UHRF2: variants seen among roughly 807,000 people sequenced by gnomAD.
The protein encoded by UHRF2 is E3 ubiquitin-protein ligase UHRF2.
UHRF2 carries 23 observed loss-of-function variants against 96.8 expected under a neutral mutation model. That is an observed-to-expected ratio of 0.24 (90% CI 0.17 to 0.34). The LOEUF (loss-of-function observed/expected upper bound fraction) is 0.34. Among genes scored for constraint, UHRF2 ranks in the 10% least tolerant of loss-of-function variants. The pLI, the probability that UHRF2 is intolerant of heterozygous loss-of-function variation, is 1.00. For synonymous variants in UHRF2, 385 were observed against 332.6 expected (o/e 1.16, Z -1.72); for missense variants, 685 against 981.5 (o/e 0.70, Z 4.04).
chr9:6,463,921 T>C (rs1353849652), intron 4 of UHRF2, among the ~76,000 whole-genome samples: 1 of 152,214 alleles, frequency 6.6e-6, no homozygotes, highest in Non-Finnish European at 1.5e-5. Context: ...CTTGTACCTA[T>C]ACCTGTATCC....
intron 14 of UHRF2, among the ~76,000 whole-genome samples, chr9:6,502,761 G>A (rs576309205): frequency 6.6e-6 from 1 of 152,320 alleles, no homozygotes; most frequent in African/African-American, 2.4e-5. Flanking sequence ...TATAGGAACT[G>A]TGGAAGTACC....
intron 3 of UHRF2, among the ~76,000 whole-genome samples, chr9:6,442,555 T>C (rs1821236512): frequency 6.6e-6 from 1 of 152,160 alleles, no homozygotes; most frequent in African/African-American, 2.4e-5. Context: ...CATGGCTCAC[T>C]GCAGCCTCGA....
intron 2 of UHRF2, among the ~76,000 whole-genome samples, 157 bp downstream of exon 2, chr9:6,421,299 T>C (rs574344097): frequency 1.3e-3 from 205 of 152,356 alleles, no homozygotes; most frequent in Middle Eastern, 3.4e-3. Context: ...AAAATTGATA[T>C]GAAATACGTA....
At chr9:6,465,594 C>T (rs1373340960) in intron 4 of UHRF2, among the ~76,000 whole-genome samples, 3 of 152,138 alleles carry the variant, frequency 2.0e-5, no homozygotes, top group African/African-American at 7.2e-5. Context: ...TTGGTACCTA[C>T]ATCTTTTTAA....
At chr9:6,427,693 G>A (rs1449023797) in intron 2 of UHRF2, among the ~76,000 whole-genome samples, 1 of 152,024 alleles carries the variant, frequency 6.6e-6, no homozygotes, top group Non-Finnish European at 1.5e-5. Flanking sequence ...TCAAAAAAAA[G>A]AAATTTTAAT....
At chr9:6,462,898 C>T (rs1317060954) in intron 4 of UHRF2, among the ~76,000 whole-genome samples, 2 of 152,092 alleles carry the variant, frequency 1.3e-5, no homozygotes, top group Admixed American at 6.5e-5. Context: ...GCCTGGGCTA[C>T]AGAGCGAGAC....
chr9:6,453,383 A>C (rs1821985428), intron 3 of UHRF2, among the ~76,000 whole-genome samples: 1 of 152,212 alleles, frequency 6.6e-6, no homozygotes. Flanking sequence ...AATGATGATA[A>C]TGTGTTGTCC....
chr9:6,440,502 TTC>T (rs1821098043), intron 3 of UHRF2, among the ~76,000 whole-genome samples: 2 of 152,178 alleles, frequency 1.3e-5, no homozygotes, highest in African/African-American at 4.8e-5. Context: ...TAGCCAACTT[TTC>T]TATGTTGCTG....
In UHRF2 at chr9:6,448,085, A is replaced by G. The variant is rs537045301; in HGVS notation, c.645-12488A>G. 5.9e-5 allele frequency among the ~76,000 whole-genome samples: 9 copies of G among 152,360 alleles called. No homozygotes were observed. In the South Asian group the frequency reaches 1.9e-3, roughly 32 times the overall value. The stretch of plus-strand genomic sequence containing the variant: ...AGCATGAAAGCTGTGGACCAGGCGT[A>G]AAGCCTACAAAGCCTACAATCTGGA... On this transcript the variant is annotated intron_variant, in intron 3 of 15. Transcript: ENST00000276893.
intron 2 of UHRF2, among the ~76,000 whole-genome samples, chr9:6,425,655 C>T (rs750694650): frequency 2.0e-5 from 3 of 151,866 alleles, no homozygotes; most frequent in African/African-American, 4.8e-5. Context: ...CCCAGCTACT[C>T]GGGAGGCTGA....
At chr9:6,428,554 T>TTG (rs1238500293) in intron 2 of UHRF2, among the ~76,000 whole-genome samples, 4 of 120,522 alleles carry the variant, frequency 3.3e-5, no homozygotes, top group African/African-American at 1.4e-4. Context: ...TTTTTTTTTT[T>TTG]TTTTTTTTTT....
At chr9:6,498,777 G>A (rs1460150654) in intron 12 of UHRF2, 1 of 152,292 alleles carries the variant, frequency 6.6e-6, no homozygotes, top group Non-Finnish European at 1.5e-5. Flanking sequence ...CCCTGACACT[G>A]ACTTCAGAGC....
Position 6,478,784 on chromosome 9 carries a change from C to T in UHRF2, c.1160+976C>T, listed in dbSNP as rs139374708. 6.8e-4 allele frequency among the ~76,000 whole-genome samples: 103 copies of T among 152,228 alleles called. 1 individual carries two copies. The highest frequency in any genetic ancestry group is 2.4e-3 in the African/African-American group (99 of 41,524). The stretch of plus-strand genomic sequence containing the variant: ...CCCTAACCTGTTGGGAAGGCAATTG[C>T]TGTATTATGACAGGCTGTAGAGGTG... On this transcript the variant is annotated intron_variant, in intron 6 of 15. Coordinates refer to ENST00000276893, the MANE Select transcript of UHRF2 (RefSeq NM_152896.3).
chr9:6,416,400 C>G (rs1420016739), intron 1 of UHRF2, among the ~76,000 whole-genome samples: 1 of 151,726 alleles, frequency 6.6e-6, no homozygotes, highest in Non-Finnish European at 1.5e-5. Context: ...AAATGGAGAC[C>G]TGCAATTCAG....
intron 3 of UHRF2, among the ~76,000 whole-genome samples, chr9:6,457,366 G>A (rs982295601): frequency 6.0e-5 from 9 of 150,914 alleles, no homozygotes; most frequent in African/African-American, 2.2e-4. Flanking sequence ...TATATCCTGA[G>A]ACTTTGCTGA....
At chr9:6,490,469 A>G (rs1587871046) in intron 9 of UHRF2, among the ~76,000 whole-genome samples, 1 of 152,174 alleles carries the variant, frequency 6.6e-6, no homozygotes, top group African/African-American at 2.4e-5. Context: ...CTCTACTAAA[A>G]GTACAAAAAT....
chr9:6,486,993 C>A, intron 9 of UHRF2, 68 bp downstream of exon 9: 1 of 1,430,850 alleles, frequency 7.0e-7, no homozygotes, highest in East Asian at 2.3e-5. Context: ...ATAGCTTTGC[C>A]TAGGATACAT....
chr9:6,436,822 G>A (rs1820875303), intron 3 of UHRF2, among the ~76,000 whole-genome samples: 1 of 152,166 alleles, frequency 6.6e-6, no homozygotes, highest in African/African-American at 2.4e-5. Flanking sequence ...AATCCAACAT[G>A]TGTGAAAAGA....
chr9:6,417,062 A>G (rs1819649592), intron 1 of UHRF2, among the ~76,000 whole-genome samples: 1 of 152,172 alleles, frequency 6.6e-6, no homozygotes, highest in African/African-American at 2.4e-5. Flanking sequence ...CATATATAAT[A>G]CACACATATA....
Sources: gnomAD v4.1 joint callset for allele counts (sites outside exome capture counted in the v4.1 genomes callset) on GRCh38, gnomAD v4.1.1 for gene constraint, MANE v1.5 for transcripts, NCBI Gene and HGNC (gene_info 2026-07-23, HGNC 2026-07-21) for gene names.